DIPK1A: variants seen among roughly 807,000 people sequenced by gnomAD.
DIPK1A encodes family with sequence similarity 69 member A.
DIPK1A carries 27 observed loss-of-function variants against 40.8 expected under a neutral mutation model. That is an observed-to-expected ratio of 0.66 (90% CI 0.49 to 0.91). The LOEUF (loss-of-function observed/expected upper bound fraction) is 0.91, where lower values mean the gene tolerates loss of function less well. Ranked by LOEUF, DIPK1A falls within the 40% of genes least tolerant of loss-of-function variation. The pLI, the probability that DIPK1A is intolerant of heterozygous loss-of-function variation, is 0.00. For synonymous variants in DIPK1A, 166 were observed against 171.3 expected (o/e 0.97, Z 0.24); for missense variants, 412 against 505.7 (o/e 0.81, Z 1.78).
chr1:92,892,691 T>C (rs12084062), intron 1 of DIPK1A, among the ~76,000 whole-genome samples: 4,389 of 152,002 alleles, frequency 0.029, 254 homozygotes, highest in African/African-American at 0.1. Context: ...CTTCAGATGA[T>C]CAAACTACTC....
At chr1:92,884,245 G>A (rs1399721535) in intron 1 of DIPK1A, among the ~76,000 whole-genome samples, 1 of 152,070 alleles carries the variant, frequency 6.6e-6, no homozygotes, top group Non-Finnish European at 1.5e-5. Context: ...TCAGGAGTTT[G>A]AGACCAGCCC....
chr1:92,960,360 G>A (rs1652022213), intron 1 of DIPK1A, among the ~76,000 whole-genome samples: 1 of 152,102 alleles, frequency 6.6e-6, no homozygotes, highest in Non-Finnish European at 1.5e-5. Flanking sequence ...AAAAGCACCA[G>A]CTGACCCCAA....
intron 1 of DIPK1A, among the ~76,000 whole-genome samples, chr1:92,909,224 G>A (rs1481259976): frequency 1.3e-5 from 2 of 151,974 alleles, no homozygotes; most frequent in East Asian, 1.9e-4. Flanking sequence ...ATCTGCAGAG[G>A]AGAATACCTG....
At chr1:92,892,240 A>C (rs1425085699) in intron 1 of DIPK1A, among the ~76,000 whole-genome samples, 1 of 152,060 alleles carries the variant, frequency 6.6e-6, no homozygotes, top group African/African-American at 2.4e-5. Context: ...CGAGTAGCCT[A>C]ACTGGGAGGC....
At chr1:92,905,548 A>C (rs892929243) in intron 1 of DIPK1A, among the ~76,000 whole-genome samples, 3 of 152,106 alleles carry the variant, frequency 2.0e-5, no homozygotes, top group Non-Finnish European at 4.4e-5. Context: ...GGTAGTTTGC[A>C]AATATTTTCT....
chr1:92,843,084 T>C lies in DIPK1A; in HGVS notation c.*299A>G, dbSNP rs1185997633. The C allele has an allele frequency of 1.9e-6, 2 of 1,063,126 alleles. No homozygotes were observed. The highest frequency in any genetic ancestry group is 2.3e-6 in the Non-Finnish European group (2 of 879,748). The allele number at this position is 1,063,126 out of a possible 1,614,324, so 65.9% of individuals were successfully genotyped here. Reference sequence around the variant, plus strand: ...AGGTAAATCTACAAATCACTCACTGTTGATGTTTATGGAATGAAGCTTTTC... The same window carrying C: ...AGGTAAATCTACAAATCACTCACTGCTGATGTTTATGGAATGAAGCTTTTC... On this transcript the variant is annotated 3_prime_UTR_variant, in exon 5 of 5. Transcript: ENST00000370310.
intron 1 of DIPK1A, among the ~76,000 whole-genome samples, chr1:92,957,537 C>T (rs1651902371): frequency 6.6e-6 from 1 of 152,214 alleles, no homozygotes; most frequent in Non-Finnish European, 1.5e-5. Context: ...GTTGGCCCTT[C>T]CAGGCAGGTC....
At chr1:92,869,075 G>A (rs571787118) in intron 2 of DIPK1A, among the ~76,000 whole-genome samples, 33 of 151,536 alleles carry the variant, frequency 2.2e-4, no homozygotes, top group South Asian at 8.4e-4. Flanking sequence ...CTGACTGATA[G>A]ATACCTCTTC....
At chr1:92,842,027 T>C (rs1335875974), downstream of DIPK1A, 2 of 780,140 alleles carry the variant, frequency 2.6e-6, no homozygotes, top group Non-Finnish European at 3.8e-6. Context: ...AGAAAACAAG[T>C]GTAACTAACT....
chr1:92,851,561 A>AAAAAAT (rs1557452848), intron 2 of DIPK1A, among the ~76,000 whole-genome samples: 1 of 93,036 alleles, frequency 1.1e-5, no homozygotes, highest in African/African-American at 3.4e-5. Context: ...AAAAAAAAAA[A>AAAAAAT]ACTTCTGGTT....
chr1:92,948,791 G>A (rs979268942), intron 1 of DIPK1A, among the ~76,000 whole-genome samples: 3 of 142,310 alleles, frequency 2.1e-5, no homozygotes, highest in Non-Finnish European at 3.0e-5. Context: ...ATATATATAT[G>A]TGTGTGTATA....
intron 1 of DIPK1A, among the ~76,000 whole-genome samples, chr1:92,881,570 T>C (rs1648377906): frequency 6.6e-6 from 1 of 152,162 alleles, no homozygotes; most frequent in African/African-American, 2.4e-5. Context: ...CAAAACAAAA[T>C]GCCAAGAACA....
At chr1:92,956,272 T>C (rs1210831991) in intron 1 of DIPK1A, among the ~76,000 whole-genome samples, 1 of 152,142 alleles carries the variant, frequency 6.6e-6, no homozygotes, top group Non-Finnish European at 1.5e-5. Context: ...GAAAGAAATG[T>C]GGTAAGGATG....
intron 1 of DIPK1A, among the ~76,000 whole-genome samples, chr1:92,937,987 T>C (rs1329458777): frequency 3.9e-5 from 6 of 152,228 alleles, no homozygotes; most frequent in Non-Finnish European, 5.9e-5. Context: ...AACCTAATAA[T>C]AGTCTGGCAG....
chr1:92,949,321 C>T (rs908638021), intron 1 of DIPK1A, among the ~76,000 whole-genome samples: 1 of 151,962 alleles, frequency 6.6e-6, no homozygotes, highest in African/African-American at 2.4e-5. Context: ...GTTGCCCAGG[C>T]TGGAGTGCAA....
At chr1:92,858,952 A>C (rs1461954809) in intron 2 of DIPK1A, among the ~76,000 whole-genome samples, 1 of 152,204 alleles carries the variant, frequency 6.6e-6, no homozygotes, top group East Asian at 1.9e-4. Context: ...CGAAAACATC[A>C]AAGGTTTTTC....
chr1:92,933,475 G>C (rs1650835619), intron 1 of DIPK1A: 1 of 152,246 alleles, frequency 6.6e-6, no homozygotes, highest in Non-Finnish European at 1.5e-5. Context: ...AAGGCAGGAA[G>C]ACTGCTTGAG....
At chr1:92,876,191 G>A (rs187824438) in intron 2 of DIPK1A, 105 bp downstream of exon 2, 1 of 741,020 alleles carries the variant, frequency 1.3e-6, no homozygotes, top group African/African-American at 1.8e-5. Flanking sequence ...CAATTCTAAT[G>A]TCAAATTAAC....
At chr1:92,912,269 A>G (rs912408332) in intron 1 of DIPK1A, among the ~76,000 whole-genome samples, 2 of 152,010 alleles carry the variant, frequency 1.3e-5, no homozygotes, top group Non-Finnish European at 2.9e-5. Flanking sequence ...GAGAATGTTT[A>G]AGTTGCTGCC....
Sources: allele counts gnomAD v4.1 joint callset (sites outside exome capture counted in the v4.1 genomes callset), GRCh38; gene constraint gnomAD v4.1.1; transcripts MANE v1.5; gene names NCBI Gene and HGNC (gene_info 2026-07-23, HGNC 2026-07-21).